The following SRCIN1 variants were observed in gnomAD, a reference collection of about 807,000 sequenced individuals.
SRCIN1 encodes the protein P130Cas-associated protein.
In SRCIN1, 50 loss-of-function variants were observed where a neutral mutation model predicts 116.2. The observed-to-expected ratio is 0.43, with a 90% confidence interval of 0.34 to 0.54. The LOEUF (loss-of-function observed/expected upper bound fraction) is 0.54, where lower values mean the gene tolerates loss of function less well. Among genes scored for constraint, SRCIN1 ranks in the 20% least tolerant of loss-of-function variants. The pLI is 0.02. For synonymous variants in SRCIN1, 736 were observed against 750.0 expected, an observed-to-expected ratio of 0.98 and a Z score of 0.30; for missense variants, 1,446 against 1,672.0, an observed-to-expected ratio of 0.86 and a Z score of 2.36.
At chr17:38,594,598 G>T (rs1425120023) in intron 1 of SRCIN1, among the ~76,000 whole-genome samples, 1 of 145,334 alleles carries the variant, frequency 6.9e-6, no homozygotes, top group Non-Finnish European at 1.5e-5. Context: ...CAATTAGGCA[G>T]CCCCTGCTGT....
intron 17 of SRCIN1, among the ~76,000 whole-genome samples, chr17:38,548,276 T>C (rs970712159): frequency 3.9e-5 from 6 of 152,090 alleles, no homozygotes; most frequent in Admixed American, 1.3e-4. Flanking sequence ...AATCTTCGGA[T>C]ACGGGACTTT....
At chr17:38,534,822 C>T (rs916668289) in intron 18 of SRCIN1, among the ~76,000 whole-genome samples, 1 of 152,170 alleles carries the variant, frequency 6.6e-6, no homozygotes, top group Non-Finnish European at 1.5e-5. Flanking sequence ...ATCTACATTT[C>T]CCTTTTATGA....
At chr17:38,584,069 G>A (rs114908633) in intron 1 of SRCIN1, among the ~76,000 whole-genome samples, 380 of 152,310 alleles carry the variant, frequency 2.5e-3, no homozygotes, top group African/African-American at 8.5e-3. Context: ...AGATCAATGC[G>A]TCCTGTTCCA....
chr17:38,600,495 C>A (rs1269090997), intron 1 of SRCIN1, among the ~76,000 whole-genome samples: 12 of 152,232 alleles, frequency 7.9e-5, no homozygotes, highest in Non-Finnish European at 1.0e-4. Context: ...TCTCACTGAC[C>A]ATCTCTGAGG....
intron 14 of SRCIN1, 159 bp from the exon 15 acceptor site, chr17:38,551,548 C>G: frequency 1.5e-6 from 1 of 679,726 alleles, no homozygotes; most frequent in Non-Finnish European, 2.5e-6. Flanking sequence ...TCGTGGGTAT[C>G]ACATGGCATC....
chr17:38,565,363 T>C (rs1184690214), intron 3 of SRCIN1, among the ~76,000 whole-genome samples: 1 of 152,228 alleles, frequency 6.6e-6, no homozygotes, highest in African/African-American at 2.4e-5. Flanking sequence ...CATATATGTA[T>C]TACATATACA....
At chr17:38,606,976 C>T (rs959001277), upstream of SRCIN1, among the ~76,000 whole-genome samples, 1 of 152,166 alleles carries the variant, frequency 6.6e-6, no homozygotes, top group Non-Finnish European at 1.5e-5. The surrounding 1 kb of genome is among the most constrained non-coding windows in gnomAD (Gnocchi z 5.2). Flanking sequence ...TTTAGGTGAG[C>T]AAGAGAGTGG....
chr17:38,551,797 A>T (rs1288479362), intron 14 of SRCIN1, 89 bp downstream of exon 14: 2 of 1,599,088 alleles, frequency 1.3e-6, no homozygotes, highest in South Asian at 1.1e-5. Flanking sequence ...AAAGACCCAC[A>T]GGATTGGCAC....
In SRCIN1 at chr17:38,568,198, A is replaced by G. The variant is rs780917181; in HGVS notation, c.345+13T>C. 14 of 1,613,172 alleles carry G rather than the reference A, an allele frequency of 8.7e-6. No individual in the cohort carries two copies. In the East Asian group the frequency reaches 2.9e-4, roughly 33 times the overall value. ...ATGCAGTTGTCATGGGAGCAGAGGC[A>G]TCACACACTGACCTTGAAACTCCAG... On this transcript the variant is annotated intron_variant, in intron 3 of 18. Transcript: ENST00000617146. This position sits in a 1 kb window ranked among gnomAD's most constrained non-coding sequence, Gnocchi z 4.5.
chr17:38,563,928 G>T lies in SRCIN1; in HGVS notation c.541+190C>A. The T allele has an allele frequency of 1.5e-6, 1 of 649,564 alleles. No individual in the cohort carries two copies. The highest frequency in any genetic ancestry group is 2.6e-6 in the Non-Finnish European group (1 of 378,798). 40.2% of individuals were successfully genotyped at this position (649,564 alleles called of 1,614,324 possible). ...GAGAGAGGAGGCTTGGAGGGAAAGGGGTCGGGTGGGGATGCTGAGGGCGAG... is the reference window on the plus strand; with the variant it reads ...GAGAGAGGAGGCTTGGAGGGAAAGGTGTCGGGTGGGGATGCTGAGGGCGAG... On this transcript the variant is annotated intron_variant, in intron 4 of 18. Transcript: ENST00000617146. This position sits in a 1 kb window ranked among gnomAD's most constrained non-coding sequence, Gnocchi z 5.8.
chr17:38,588,089 G>C (rs1258982572), intron 1 of SRCIN1, among the ~76,000 whole-genome samples: 1 of 149,546 alleles, frequency 6.7e-6, no homozygotes, highest in Admixed American at 6.6e-5. Flanking sequence ...AGAAGAAGAA[G>C]CAGAAGCTAA....
At chr17:38,571,063 T>C (rs1018386327) in intron 2 of SRCIN1, among the ~76,000 whole-genome samples, 2 of 152,200 alleles carry the variant, frequency 1.3e-5, no homozygotes, top group African/African-American at 4.8e-5. Flanking sequence ...GGCCACTCAG[T>C]GTCTCTGGCG....
chr17:38,557,560 G>A (rs1006058595), intron 11 of SRCIN1, among the ~76,000 whole-genome samples: 64 of 152,316 alleles, frequency 4.2e-4, no homozygotes, highest in African/African-American at 1.5e-3. Flanking sequence ...GAAAGGCAGC[G>A]TCTCCCTTCA....
Position 38,533,319 on chromosome 17 carries a change from C to T in SRCIN1, c.3530G>A (p.Arg1177Lys), listed in dbSNP as rs2040951236. 12 of 1,578,782 alleles carry T rather than the reference C, an allele frequency of 7.6e-6. No individual in the cohort carries two copies. The highest frequency in any genetic ancestry group is 1.0e-5 in the Non-Finnish European group (12 of 1,161,608). Reference sequence around the variant, plus strand: ...CTTCTAGAAGGAGATGGAAGAATTCCTTGCCCCAAAGGAAGTCAATACAGG... The same window carrying T: ...CTTCTAGAAGGAGATGGAAGAATTCTTTGCCCCAAAGGAAGTCAATACAGG... ...SIPVLTSFGA[R>K]NSSISF The change falls in exon 19 of 19, where the codon AGG (arginine) becomes AAG (lysine). Residue 1177 changes from arginine (R) to lysine (K), a missense_variant. Around this residue, in one of 5 missense-constraint regions of SRCIN1, gnomAD observed 531 missense variants for 633.9 expected, o/e 0.84. Coordinates refer to ENST00000617146, the MANE Select transcript of SRCIN1 (RefSeq NM_025248.3).
intron 17 of SRCIN1, among the ~76,000 whole-genome samples, chr17:38,547,377 C>T (rs551119582): frequency 6.6e-6 from 1 of 152,206 alleles, no homozygotes; most frequent in Non-Finnish European, 1.5e-5. Flanking sequence ...CCAAAGTCAT[C>T]TTGTGAGCAA....
chr17:38,560,026 A>C (rs1244152625), intron 9 of SRCIN1, 28 bp downstream of exon 9: 1 of 1,521,024 alleles, frequency 6.6e-7, no homozygotes, highest in South Asian at 1.2e-5. Context: ...GGAGAGAACA[A>C]GGATGGGGGA....
Position 38,604,189 on chromosome 17 carries a change from C to T in SRCIN1, c.22+1495G>A, listed in dbSNP as rs1363478055. On this transcript the variant is annotated intron_variant, in intron 1 of 18. Coordinates refer to ENST00000617146, the MANE Select transcript of SRCIN1 (RefSeq NM_025248.3). This position sits in a 1 kb window ranked among gnomAD's most constrained non-coding sequence, Gnocchi z 4.3. ...AAGAGTCGGGAAGAAGGTATCCTGA[C>T]GACCCCCCAAAAGTGCTCAAACCCC... 2.0e-5 allele frequency among the ~76,000 whole-genome samples: 3 copies of T among 152,234 alleles called. No homozygotes were observed. The highest frequency in any genetic ancestry group is 6.5e-5 in the Admixed American group (1 of 15,296).
intron 1 of SRCIN1, among the ~76,000 whole-genome samples, chr17:38,589,915 G>C (rs1286866117): frequency 6.6e-6 from 1 of 152,226 alleles, no homozygotes; most frequent in Non-Finnish European, 1.5e-5. Flanking sequence ...GGAGTTCACA[G>C]TTTGGAAAAG....
At chr17:38,597,585 A>G (rs1432104142) in intron 1 of SRCIN1, among the ~76,000 whole-genome samples, 1 of 152,206 alleles carries the variant, frequency 6.6e-6, no homozygotes, top group African/African-American at 2.4e-5. Context: ...CAGAGACAGA[A>G]ACTGAGCTTC....
Sources: gnomAD v4.1 joint callset for allele counts (sites outside exome capture counted in the v4.1 genomes callset) on GRCh38, gnomAD v4.1.1 for gene constraint, gnomAD v4.1.1 regional missense constraint, Gnocchi (gnomAD v3.1) non-coding constraint, MANE v1.5 for transcripts, NCBI Gene and HGNC (gene_info 2026-07-23, HGNC 2026-07-21) for gene names.